TSGA10: variants seen among roughly 807,000 people sequenced by gnomAD.
TSGA10 encodes testis specific 10.
Under a neutral mutation model 96.6 loss-of-function variants are expected in TSGA10, and 43 were observed. The observed-to-expected ratio is 0.44, with a 90% CI of 0.35 to 0.57. The LOEUF (loss-of-function observed/expected upper bound fraction) is 0.57, where lower values mean the gene tolerates loss of function less well. Ranked by LOEUF, TSGA10 falls within the 20% of genes least tolerant of loss-of-function variation. The pLI, the probability that TSGA10 is intolerant of heterozygous loss-of-function variation, is 0.01. For synonymous variants in TSGA10, 229 were observed against 269.9 expected (o/e 0.85, Z 1.48); for missense variants, 703 against 834.4 (o/e 0.84, Z 1.94).
At chr2:99,107,234 C>G (rs534661325) in intron 7 of TSGA10, among the ~76,000 whole-genome samples, 1 of 152,274 alleles carries the variant, frequency 6.6e-6, no homozygotes, top group Non-Finnish European at 1.5e-5. Flanking sequence ...ATATTTATCT[C>G]CATTGAAACA....
chr2:99,048,931 A>C (rs745878785), intron 16 of TSGA10, among the ~76,000 whole-genome samples: 13 of 152,344 alleles, frequency 8.5e-5, no homozygotes, highest in Non-Finnish European at 1.3e-4. Context: ...GGATATGAAC[A>C]GGCACTTCTC....
intron 4 of TSGA10, among the ~76,000 whole-genome samples, chr2:99,116,891 A>T (rs543966280): frequency 6.6e-6 from 1 of 152,182 alleles, no homozygotes; most frequent in Non-Finnish European, 1.5e-5. Flanking sequence ...GAATACTCCA[A>T]ATCTTCTCTT....
At position 99,106,550 on chromosome 2, in the gene TSGA10, C is replaced by A. The variant is rs1574412696; in HGVS notation, c.211-853G>T. On this transcript the variant is annotated intron_variant, in intron 7 of 20. Transcript: ENST00000393483. ...TCCTATGTCTCTTCTTCCTGCGACA[C>A]ATTAAAAAAAAAAAGTCCCATGGTC... Among the ~76,000 whole-genome samples the A allele has an allele frequency of 8.2e-5, 8 of 97,260 alleles. No individual in the cohort carries two copies. The South Asian group carries it at 2.2e-3, about 27-fold the overall frequency. 63.8% of individuals were successfully genotyped at this position (97,260 alleles called of 152,430 possible).
At chr2:99,101,688 A>C (rs1275429742) in intron 10 of TSGA10, among the ~76,000 whole-genome samples, 1 of 152,230 alleles carries the variant, frequency 6.6e-6, no homozygotes, top group Non-Finnish European at 1.5e-5. Flanking sequence ...GAAAAGAACA[A>C]AAAGATAAAG....
At chr2:99,078,520 G>T in intron 12 of TSGA10, 139 bp downstream of exon 12, 2 of 827,592 alleles carry the variant, frequency 2.4e-6, no homozygotes, top group South Asian at 2.1e-5. Flanking sequence ...TTCAAAGTCA[G>T]ATTTTGAAGT....
At chr2:99,018,491 A>G (rs1239367087) in intron 19 of TSGA10, 45 bp downstream of exon 19, 5 of 1,593,154 alleles carry the variant, frequency 3.1e-6, no homozygotes, top group African/African-American at 1.4e-5. Flanking sequence ...AATGCTTTCC[A>G]TGCTGAAAAG....
chr2:99,150,802 A>G, intron 1 of TSGA10: 1 of 1,598,862 alleles, frequency 6.3e-7, no homozygotes, highest in Non-Finnish European at 8.5e-7. Context: ...TGTCAAAGAA[A>G]GTGATGGACT....
intron 10 of TSGA10, among the ~76,000 whole-genome samples, chr2:99,092,543 A>AG (rs1371387343): frequency 6.6e-6 from 1 of 152,178 alleles, no homozygotes; most frequent in Non-Finnish European, 1.5e-5. Context: ...GATTTAACTA[A>AG]GAAGACAGAA....
rs2077564916 is a variant in TSGA10, at chr2:98,997,475, C to A, written c.*722G>T. 6.6e-6 allele frequency: 1 copy of A among 151,816 alleles called. No individual in the cohort carries two copies. Among genetic ancestry groups the A allele is most frequent in the Non-Finnish European group, 1.5e-5 (1 of 67,904 alleles). 9.4% of individuals were successfully genotyped at this position (151,816 alleles called of 1,614,324 possible). ...GCTGCCACAGACAATAAAATAAAAT[C>A]GCAATTAAGTTGATTGCAGTACTTG... On this transcript the variant is annotated 3_prime_UTR_variant, in exon 21 of 21. Transcript: ENST00000393483.
At chr2:99,141,012 G>T in intron 1 of TSGA10, 1 of 1,139,066 alleles carries the variant, frequency 8.8e-7, no homozygotes, top group Non-Finnish European at 1.1e-6. Flanking sequence ...CCCGCTTGCA[G>T]CCGCCTTCTC....
chr2:99,009,972 T>C (rs761915131), intron 20 of TSGA10, among the ~76,000 whole-genome samples: 2 of 152,222 alleles, frequency 1.3e-5, no homozygotes, highest in African/African-American at 2.4e-5. Flanking sequence ...TAGATGTTCT[T>C]TGTATTCTTA....
At chr2:99,060,108 G>A (rs1485689909) in intron 16 of TSGA10, among the ~76,000 whole-genome samples, 3 of 152,016 alleles carry the variant, frequency 2.0e-5, no homozygotes, top group African/African-American at 2.4e-5. Context: ...AAGAGAAGAA[G>A]TAAAACTATC....
chr2:99,154,817 C>T lies in TSGA10; in HGVS notation c.-745G>A. 3.0e-6 allele frequency: 1 copy of T among 328,902 alleles called. No homozygotes were observed. The highest frequency in any genetic ancestry group is 6.0e-6 in the Non-Finnish European group (1 of 166,046). The allele number at this position is 328,902 out of a possible 1,614,324, so 20.4% of individuals were successfully genotyped here. A position where few individuals can be genotyped will look rare whatever the true frequency, so the allele number is the denominator to read the frequency against. ...TGCGTCCCTGCCTGGAACCTGGTTCCCGCCCTGAAGGACCCTTACTTAGCA... is the reference window on the plus strand; with the variant it reads ...TGCGTCCCTGCCTGGAACCTGGTTCTCGCCCTGAAGGACCCTTACTTAGCA... On this transcript the variant is annotated 5_prime_UTR_variant, in exon 1 of 21. Coordinates refer to ENST00000393483, the MANE Select transcript of TSGA10 (RefSeq NM_025244.4).
chr2:99,152,376 T>G (rs1190542530), intron 1 of TSGA10, among the ~76,000 whole-genome samples: 3 of 152,172 alleles, frequency 2.0e-5, no homozygotes, highest in South Asian at 2.1e-4. Context: ...AGTGTCGAAT[T>G]CCTGTTCTTA....
In TSGA10 at chr2:99,039,113, T is replaced by C. The variant is rs549234313; in HGVS notation, c.1405-3674A>G. Among the ~76,000 whole-genome samples, 3 of 152,102 alleles carry C rather than the reference T, an allele frequency of 2.0e-5. No homozygotes were observed. The South Asian group carries it at 6.2e-4, about 32-fold the overall frequency. ...TGAACAATAATAGTGCCACAACTTA[T>C]CAAAACCTCTGGGATACAGCAAAAG... On this transcript the variant is annotated intron_variant, in intron 16 of 20. Coordinates refer to ENST00000393483, the MANE Select transcript of TSGA10 (RefSeq NM_025244.4).
At chr2:99,048,754 T>C (rs756368383) in intron 16 of TSGA10, among the ~76,000 whole-genome samples, 2 of 151,878 alleles carry the variant, frequency 1.3e-5, no homozygotes, top group Non-Finnish European at 2.9e-5. Flanking sequence ...ACTAAAGAGC[T>C]CTGCACAGCA....
intron 20 of TSGA10, among the ~76,000 whole-genome samples, chr2:99,001,898 C>T (rs993727618): frequency 1.3e-5 from 2 of 151,958 alleles, no homozygotes; most frequent in East Asian, 3.9e-4. Flanking sequence ...GATTGAAGAT[C>T]AAATGAATGA....
chr2:99,110,271 T>C (rs924869026), intron 5 of TSGA10, among the ~76,000 whole-genome samples: 2 of 152,258 alleles, frequency 1.3e-5, no homozygotes, highest in African/African-American at 2.4e-5. Flanking sequence ...GGATATTCCA[T>C]ACTTGTAAGC....
chr2:99,127,976 T>C (rs559279451), intron 1 of TSGA10, among the ~76,000 whole-genome samples: 2 of 152,244 alleles, frequency 1.3e-5, no homozygotes, highest in East Asian at 3.8e-4. Flanking sequence ...CATACTATTC[T>C]GCATCACGCT....
Sources: allele counts gnomAD v4.1 joint callset (sites outside exome capture counted in the v4.1 genomes callset), GRCh38; gene constraint gnomAD v4.1.1; transcripts MANE v1.5; gene names NCBI Gene and HGNC (gene_info 2026-07-23, HGNC 2026-07-21).